CHN2: variants seen among roughly 807,000 people sequenced by gnomAD.
CHN2 encodes chimerin 2.
A neutral mutation model predicts 56.3 loss-of-function variants in CHN2; 35 were observed. The observed-to-expected ratio is 0.62, with a 90% CI of 0.47 to 0.82. The LOEUF is 0.82. Among genes scored for constraint, CHN2 ranks in the 40% least tolerant of loss-of-function variants. The pLI, the probability that CHN2 is intolerant of heterozygous loss-of-function variation, is 0.00. For synonymous variants in CHN2, 210 were observed against 212.8 expected (o/e 0.99, Z 0.12); for missense variants, 491 against 580.5 (o/e 0.85, Z 1.58).
At chr7:29,183,103 A>G (rs1255372397) in intron 2 of CHN2, among the ~76,000 whole-genome samples, 1 of 92,954 alleles carries the variant, frequency 1.1e-5, no homozygotes, top group Non-Finnish European at 2.1e-5. Context: ...TTTTTTTTTG[A>G]AACGGAGTTT....
intron 8 of CHN2, among the ~76,000 whole-genome samples, chr7:29,496,495 G>A (rs1789301592): frequency 6.6e-6 from 1 of 151,834 alleles, no homozygotes; most frequent in African/African-American, 2.4e-5. Flanking sequence ...AGACCTTGGG[G>A]GAGATGCAAT....
chr7:29,404,958 G>T (rs939449527), intron 6 of CHN2, among the ~76,000 whole-genome samples: 4 of 151,326 alleles, frequency 2.6e-5, no homozygotes, highest in African/African-American at 9.8e-5. Context: ...TTTGAAGAAG[G>T]GAAGTGGGTG....
intron 8 of CHN2, among the ~76,000 whole-genome samples, chr7:29,496,373 C>T (rs1205578766): frequency 6.6e-6 from 1 of 152,040 alleles, no homozygotes; most frequent in Non-Finnish European, 1.5e-5. Flanking sequence ...CTTTGTCCTA[C>T]CCCATCTTGC....
At chr7:29,211,487 C>T (rs1784954754) in intron 1 of CHN2, among the ~76,000 whole-genome samples, 1 of 151,008 alleles carries the variant, frequency 6.6e-6, no homozygotes, top group African/African-American at 2.5e-5. Context: ...CACACACACA[C>T]ACACACAGAA....
intron 11 of CHN2, among the ~76,000 whole-genome samples, chr7:29,508,551 C>T (rs1177318328): frequency 6.6e-6 from 1 of 152,000 alleles, no homozygotes; most frequent in Admixed American, 6.6e-5. Context: ...TGAGCTGAGG[C>T]CCTGACCCCG....
chr7:29,391,338 AGGAAGGGAGG>A (rs1801347541), intron 3 of CHN2, among the ~76,000 whole-genome samples: 1 of 101,940 alleles, frequency 9.8e-6, no homozygotes, highest in Non-Finnish European at 1.8e-5. Flanking sequence ...GGAAGGGAAG[AGGAAGGGAGG>A]GGAGGGGAGG....
chr7:29,445,215 C>G, intron 6 of CHN2: 1 of 453,980 alleles, frequency 2.2e-6, no homozygotes, highest in Admixed American at 2.4e-5. Flanking sequence ...AGAGTCCCAG[C>G]TAGATTCTTA....
intron 1 of CHN2, among the ~76,000 whole-genome samples, chr7:29,312,400 A>AT (rs1461206258): frequency 6.6e-6 from 1 of 152,030 alleles, no homozygotes; most frequent in Non-Finnish European, 1.5e-5. Flanking sequence ...GCACAATGTG[A>AT]TTTTCTCTTT....
chr7:29,374,847 T>TCCTTCCTTCCTTCCTG lies in CHN2; in HGVS notation c.144+6863_144+6864insTCCTTCCTTCCTGCCT, dbSNP rs961509280. 4.1e-5 allele frequency among the ~76,000 whole-genome samples: 6 copies of TCCTTCCTTCCTTCCTG among 145,446 alleles called. 1 individual carries two copies. The highest frequency in any genetic ancestry group is 7.5e-5 in the Non-Finnish European group (5 of 66,282). On this transcript the variant is annotated intron_variant, in intron 3 of 12. Transcript: ENST00000222792. Reference sequence around the variant, plus strand: ...TTCCTTCCTTCCTTCCTTCCTTCCTTCCTGCCTCCCTCCCTCCCTTTCTCC... The same window carrying TCCTTCCTTCCTTCCTG: ...TTCCTTCCTTCCTTCCTTCCTTCCTTCCTTCCTTCCTTCCTGCCTGCCTCCCTCCCTCCCTTTCTCC...
chr7:29,193,541 C>T (rs1385255222), upstream of CHN2: 1 of 152,170 alleles, frequency 6.6e-6, no homozygotes. Context: ...CTAACAATTT[C>T]TCTTCAAATT....
At chr7:29,457,324 C>G (rs889092912) in intron 6 of CHN2, among the ~76,000 whole-genome samples, 1 of 152,134 alleles carries the variant, frequency 6.6e-6, no homozygotes, top group Non-Finnish European at 1.5e-5. Flanking sequence ...TGTGCTCCCG[C>G]TGAGTGATAA....
intron 2 of CHN2, among the ~76,000 whole-genome samples, chr7:29,162,642 C>G (rs1487502679): frequency 2.8e-5 from 3 of 107,382 alleles, no homozygotes; most frequent in Admixed American, 2.5e-4. Flanking sequence ...GCCTGGGCAA[C>G]AAGAGTGAAA....
chr7:29,460,236 C>G (rs532992915), intron 6 of CHN2, among the ~76,000 whole-genome samples: 4 of 151,958 alleles, frequency 2.6e-5, no homozygotes, highest in African/African-American at 4.8e-5. Flanking sequence ...ATTCCTAGGT[C>G]CCATGCCCCA....
chr7:29,260,813 C>T (rs563849521), intron 1 of CHN2, among the ~76,000 whole-genome samples: 10 of 152,318 alleles, frequency 6.6e-5, no homozygotes, highest in Admixed American at 5.9e-4. Flanking sequence ...GGTAGTTTCT[C>T]CCAATAGCAG....
chr7:29,256,433 G>A (rs1310745609), intron 1 of CHN2, among the ~76,000 whole-genome samples: 1 of 152,164 alleles, frequency 6.6e-6, no homozygotes, highest in East Asian at 1.9e-4. Context: ...AAGAGCAACG[G>A]GCATTTTTTG....
upstream of CHN2, among the ~76,000 whole-genome samples, chr7:29,191,353 G>GTTATT (rs1782872387): frequency 6.6e-6 from 1 of 152,226 alleles, no homozygotes; most frequent in African/African-American, 2.4e-5. Context: ...CAGAAGAAGA[G>GTTATT]TTATTTTCTG....
chr7:29,296,567 G>C (rs926298300), intron 1 of CHN2, among the ~76,000 whole-genome samples: 1 of 152,198 alleles, frequency 6.6e-6, no homozygotes, highest in African/African-American at 2.4e-5. Flanking sequence ...ACCTTCAAGA[G>C]AGCATTTCCC....
chr7:29,339,413 A>G (rs2128911669), intron 1 of CHN2, among the ~76,000 whole-genome samples: 1 of 152,280 alleles, frequency 6.6e-6, no homozygotes, highest in African/African-American at 2.4e-5. Flanking sequence ...ACCCCGAGCT[A>G]TGCCTCATTT....
chr7:29,252,372 T>G (rs929873943), intron 1 of CHN2, among the ~76,000 whole-genome samples: 2 of 150,708 alleles, frequency 1.3e-5, no homozygotes, highest in Non-Finnish European at 3.0e-5. Flanking sequence ...GTATTTTTAG[T>G]AGAGATGGAG....
Sources: gnomAD v4.1 joint callset for allele counts (sites outside exome capture counted in the v4.1 genomes callset) on GRCh38, gnomAD v4.1.1 for gene constraint, MANE v1.5 for transcripts, NCBI Gene and HGNC (gene_info 2026-07-23, HGNC 2026-07-21) for gene names.